The following STX8 variants were observed in gnomAD, a reference collection of about 807,000 sequenced individuals.
STX8 encodes the protein syntaxin 8.
Under a neutral mutation model 37.5 loss-of-function variants are expected in STX8, and 23 were observed. The ratio of observed to expected loss-of-function variants is 0.61; its 90% CI spans 0.44 to 0.87. The LOEUF (loss-of-function observed/expected upper bound fraction) is 0.87, where lower values mean the gene tolerates loss of function less well. Among genes scored for constraint, STX8 ranks in the 40% least tolerant of loss-of-function variants. The pLI is 0.00. For synonymous variants in STX8, 115 were observed against 99.1 expected, an observed-to-expected ratio of 1.16 and a Z score of -0.95; for missense variants, 313 against 284.7, an observed-to-expected ratio of 1.10 and a Z score of -0.71.
intron 2 of STX8, among the ~76,000 whole-genome samples, chr17:9,558,968 C>G (rs1292499811): frequency 1.3e-5 from 2 of 151,952 alleles, no homozygotes; most frequent in Non-Finnish European, 2.9e-5. Context: ...AATTATGGCT[C>G]AAATCTCTAT....
At chr17:9,299,728 C>T (rs1908699402) in intron 7 of STX8, among the ~76,000 whole-genome samples, 1 of 152,124 alleles carries the variant, frequency 6.6e-6, no homozygotes, top group Admixed American at 6.5e-5. Flanking sequence ...AGGTGTGAGC[C>T]ACCGTGCTCG....
At chr17:9,430,163 A>ATAAAATTTATATATAAATAAAATATAAAT (rs1913902859) in intron 6 of STX8, among the ~76,000 whole-genome samples, 1 of 107,462 alleles carries the variant, frequency 9.3e-6, no homozygotes. Flanking sequence ...AAAATATAAA[A>ATAAAATTTATATATAAATAAAATATAAAT]TATATATAAT....
At chr17:9,466,099 T>G (rs1292541756) in intron 6 of STX8, among the ~76,000 whole-genome samples, 2 of 151,958 alleles carry the variant, frequency 1.3e-5, no homozygotes, top group Non-Finnish European at 2.9e-5. Flanking sequence ...GCCTCCCGAG[T>G]AGCAGGGATT....
At chr17:9,437,693 G>C (rs1904483335) in intron 6 of STX8, 1 of 152,178 alleles carries the variant, frequency 6.6e-6, no homozygotes, top group Admixed American at 6.5e-5. Context: ...GTCCCTGCTA[G>C]GCTAGGCCTT....
intron 7 of STX8, among the ~76,000 whole-genome samples, chr17:9,340,112 A>G (rs995907480): frequency 2.6e-5 from 4 of 152,270 alleles, no homozygotes; most frequent in African/African-American, 7.2e-5. Flanking sequence ...ACAGAAGCCC[A>G]CGTGTAATAA....
chr17:9,275,183 C>T (rs953862683), intron 7 of STX8, among the ~76,000 whole-genome samples: 7 of 152,150 alleles, frequency 4.6e-5, no homozygotes, highest in South Asian at 2.1e-4. Flanking sequence ...TCTTGAGCTC[C>T]GGCCTCCCAG....
chr17:9,262,854 T>C (rs949168113), intron 7 of STX8, among the ~76,000 whole-genome samples: 1 of 152,214 alleles, frequency 6.6e-6, no homozygotes, highest in African/African-American at 2.4e-5. Flanking sequence ...GATACAGGCA[T>C]GAGCCACCAC....
chr17:9,552,676 G>A (rs1057317865), intron 3 of STX8: 4 of 146,926 alleles, frequency 2.7e-5, no homozygotes, highest in Non-Finnish European at 4.5e-5. Flanking sequence ...TTTTTGAGAC[G>A]GAGTCTCGCT....
intron 7 of STX8, among the ~76,000 whole-genome samples, chr17:9,252,902 G>C (rs1339119481): frequency 6.9e-6 from 1 of 145,524 alleles, no homozygotes; most frequent in Admixed American, 7.0e-5. Flanking sequence ...ATTTGTAGAG[G>C]GTTGTCAAAA....
At chr17:9,476,128 G>A (rs1250373577) in intron 6 of STX8, among the ~76,000 whole-genome samples, 3 of 152,182 alleles carry the variant, frequency 2.0e-5, no homozygotes, top group South Asian at 2.1e-4. Flanking sequence ...GCAGTGAGGC[G>A]AGATCGTGCC....
intron 6 of STX8, among the ~76,000 whole-genome samples, chr17:9,448,845 A>G (rs1904943979): frequency 1.3e-5 from 2 of 152,240 alleles, no homozygotes; most frequent in Non-Finnish European, 2.9e-5. Context: ...TTCAGAAATG[A>G]CCTTAATACA....
intron 6 of STX8, among the ~76,000 whole-genome samples, chr17:9,391,239 AG>A (rs1912208669): frequency 6.6e-6 from 1 of 151,894 alleles, no homozygotes; most frequent in Non-Finnish European, 1.5e-5. Flanking sequence ...GGATCACTTG[AG>A]GTCAGGAGTT....
chr17:9,494,013 TTTGTTG>T (rs1567585337), intron 5 of STX8, among the ~76,000 whole-genome samples: 3 of 151,470 alleles, frequency 2.0e-5, no homozygotes, highest in Admixed American at 2.0e-4. Flanking sequence ...GTTTTGTTTT[TTTGTTG>T]TTGTTGTTGT....
chr17:9,334,376 C>T (rs1038737277), intron 7 of STX8, among the ~76,000 whole-genome samples: 14 of 152,110 alleles, frequency 9.2e-5, no homozygotes, highest in African/African-American at 3.4e-4. Flanking sequence ...GAAATTTTTT[C>T]TGGAAAAGAG....
intron 6 of STX8, among the ~76,000 whole-genome samples, chr17:9,470,927 G>T (rs1180278990): frequency 6.7e-6 from 1 of 149,218 alleles, no homozygotes; most frequent in Admixed American, 6.7e-5. Context: ...TAGAGATGGG[G>T]TTTCACTGTG....
intron 6 of STX8, among the ~76,000 whole-genome samples, chr17:9,442,564 G>A (rs1265819039): frequency 2.0e-5 from 3 of 152,086 alleles, no homozygotes; most frequent in Non-Finnish European, 2.9e-5. Context: ...GTGCCACCAC[G>A]CCTGGCTAAT....
chr17:9,508,237 A>G (rs1585245), intron 4 of STX8, among the ~76,000 whole-genome samples: 148,389 of 152,286 alleles, frequency 0.97, 72,413 homozygotes, highest in Middle Eastern at 1. Flanking sequence ...AAAAAAGAAC[A>G]AAACAGGTAT....
intron 4 of STX8, among the ~76,000 whole-genome samples, chr17:9,523,098 G>T (rs1181905521): frequency 6.6e-6 from 1 of 151,768 alleles, no homozygotes; most frequent in African/African-American, 2.4e-5. Context: ...GGATCACAAG[G>T]TCAAGAGATC....
chr17:9,462,059 C>T (rs889816032), intron 6 of STX8, among the ~76,000 whole-genome samples: 1 of 152,152 alleles, frequency 6.6e-6, no homozygotes, highest in African/African-American at 2.4e-5. Context: ...CAGTCAGTTG[C>T]CCGCCGCTCA....
Sources: gnomAD v4.1 joint callset for allele counts (sites outside exome capture counted in the v4.1 genomes callset) on GRCh38, gnomAD v4.1.1 for gene constraint, MANE v1.5 for transcripts, NCBI Gene and HGNC (gene_info 2026-07-23, HGNC 2026-07-21) for gene names.